GAB1: variants seen among roughly 807,000 people sequenced by gnomAD.
GAB1 encodes GRB2 associated binding protein 1.
A neutral mutation model predicts 66.5 loss-of-function variants in GAB1; 19 were observed. The observed-to-expected ratio is 0.29, with a 90% CI of 0.20 to 0.42. The LOEUF is 0.42. GAB1 is among the 10% of genes least tolerant of loss of function. The probability of loss-of-function intolerance (pLI) is 1.00; values close to 1 mark genes in which losing one functional copy is unlikely to be tolerated. For synonymous variants in GAB1, 294 were observed against 301.4 expected, an observed-to-expected ratio of 0.98 and a Z score of 0.25; for missense variants, 732 against 858.5, an observed-to-expected ratio of 0.85 and a Z score of 1.84.
At chr4:143,450,586 C>G (rs779080125) in intron 6 of GAB1, among the ~76,000 whole-genome samples, 14 of 152,022 alleles carry the variant, frequency 9.2e-5, no homozygotes, top group Non-Finnish European at 1.9e-4. Context: ...TTCCCTTTTT[C>G]CATTTAAATG....
intron 1 of GAB1, among the ~76,000 whole-genome samples, chr4:143,400,645 A>C (rs1731719808): frequency 6.6e-6 from 1 of 152,186 alleles, no homozygotes. Flanking sequence ...ACTTCAGCCA[A>C]CCTGGGGTTA....
chr4:143,423,807 T>C (rs1444040519), intron 2 of GAB1, among the ~76,000 whole-genome samples: 5 of 61,512 alleles, frequency 8.1e-5, no homozygotes, highest in African/African-American at 4.4e-4. Context: ...TATATATATA[T>C]ATATATATAT....
In GAB1 at chr4:143,473,877, G is replaced by A. The variant is rs1252886445; in HGVS notation, c.*4688G>A. 6.6e-6 allele frequency: 1 copy of A among 152,170 alleles called. No homozygotes were observed. Among genetic ancestry groups the A allele is most frequent in the African/African-American group, 2.4e-5 (1 of 41,440 alleles). The allele number at this position is 152,170 out of a possible 1,614,324, so 9.4% of individuals were successfully genotyped here. On this transcript the variant is annotated 3_prime_UTR_variant, in exon 10 of 10. Transcript: ENST00000262994. ...TATTTGGGAAGTTTGGGTAGGGTGAGGCTATCTTCTTCAAGATTATTTTCT... is the reference window on the plus strand; with the variant it reads ...TATTTGGGAAGTTTGGGTAGGGTGAAGCTATCTTCTTCAAGATTATTTTCT...
At chr4:143,378,433 C>A (rs1170248147) in intron 1 of GAB1, among the ~76,000 whole-genome samples, 4 of 152,136 alleles carry the variant, frequency 2.6e-5, no homozygotes, top group Non-Finnish European at 4.4e-5. Flanking sequence ...TGTTCTGGTT[C>A]TTTTCTTAAT....
At chr4:143,461,519 C>T (rs889118456) in intron 8 of GAB1, among the ~76,000 whole-genome samples, 1 of 152,166 alleles carries the variant, frequency 6.6e-6, no homozygotes, top group African/African-American at 2.4e-5. Context: ...AAGGGTACAG[C>T]CCAACTGCCT....
intron 8 of GAB1, among the ~76,000 whole-genome samples, chr4:143,464,680 T>C (rs1735687321): frequency 6.6e-6 from 1 of 152,256 alleles, no homozygotes; most frequent in African/African-American, 2.4e-5. Flanking sequence ...ATTCAGGCTA[T>C]GTGCTGCTCA....
At chr4:143,439,722 G>T in intron 4 of GAB1, 80 bp from the exon 5 acceptor site, 2 of 929,782 alleles carry the variant, frequency 2.2e-6, no homozygotes, top group East Asian at 2.4e-5. Flanking sequence ...TATAATGAGA[G>T]AAAGATAATA....
chr4:143,367,006 C>T (rs1361044101), intron 1 of GAB1, among the ~76,000 whole-genome samples: 2 of 152,038 alleles, frequency 1.3e-5, no homozygotes, highest in African/African-American at 2.4e-5. Flanking sequence ...ACAGTGTTTA[C>T]TGTATTCTCA....
intron 1 of GAB1, among the ~76,000 whole-genome samples, chr4:143,365,439 T>C (rs1326796896): frequency 6.6e-6 from 1 of 152,210 alleles, no homozygotes; most frequent in Non-Finnish European, 1.5e-5. Flanking sequence ...CAATGTCTAG[T>C]ACAAGACTTG....
Position 143,437,870 on chromosome 4 carries a change from C to G in GAB1, c.594-129C>G, listed in dbSNP as rs1734013746. On this transcript the variant is annotated intron_variant, in intron 3 of 9. Coordinates refer to ENST00000262994, the MANE Select transcript of GAB1 (RefSeq NM_002039.4). Reference sequence around the variant, plus strand: ...GCTAAAGAACATTTGTGCTTTAAATCCTATGGATCACACAAAAAATCTAAT... The same window carrying G: ...GCTAAAGAACATTTGTGCTTTAAATGCTATGGATCACACAAAAAATCTAAT... The G allele has an allele frequency of 1.1e-5, 10 of 901,142 alleles. No homozygotes were observed. In the East Asian group the frequency reaches 2.6e-4, roughly 23 times the overall value. 55.8% of individuals were successfully genotyped at this position (901,142 alleles called of 1,614,324 possible). A position where few individuals can be genotyped will look rare whatever the true frequency, so the allele number is the denominator to read the frequency against.
chr4:143,446,404 C>T (rs912169706), intron 6 of GAB1, among the ~76,000 whole-genome samples: 1 of 151,954 alleles, frequency 6.6e-6, no homozygotes, highest in African/African-American at 2.4e-5. Context: ...GTTTACAGTC[C>T]CACCAACAGT....
intron 2 of GAB1, among the ~76,000 whole-genome samples, chr4:143,429,189 G>A (rs113014680): frequency 0.027 from 4,144 of 152,108 alleles, 109 homozygotes; most frequent in South Asian, 0.11. Context: ...TACAACCTCC[G>A]CCTCCTGGAT....
chr4:143,339,157 C>T (rs558595917), intron 1 of GAB1, among the ~76,000 whole-genome samples: 11 of 152,338 alleles, frequency 7.2e-5, no homozygotes, highest in African/African-American at 2.6e-4. Context: ...CCCAGATCTG[C>T]CTGATTGATT....
chr4:143,444,999 G>T (rs1187763480), intron 6 of GAB1, among the ~76,000 whole-genome samples: 2 of 152,162 alleles, frequency 1.3e-5, no homozygotes, highest in African/African-American at 2.4e-5. Flanking sequence ...CTGTTGATGG[G>T]CACCTAGGTT....
intron 1 of GAB1, among the ~76,000 whole-genome samples, chr4:143,370,126 A>T (rs796775845): frequency 3.9e-5 from 6 of 152,330 alleles, no homozygotes; most frequent in African/African-American, 1.4e-4. Flanking sequence ...CATTTCATAA[A>T]AAGACAGTAA....
At chr4:143,377,702 C>A (rs1439108739) in intron 1 of GAB1, among the ~76,000 whole-genome samples, 1 of 152,172 alleles carries the variant, frequency 6.6e-6, no homozygotes, top group East Asian at 1.9e-4. Flanking sequence ...GACTTTCCCA[C>A]TTCTTTATGT....
chr4:143,455,016 C>T (rs1229246775), intron 6 of GAB1, among the ~76,000 whole-genome samples: 2 of 151,948 alleles, frequency 1.3e-5, no homozygotes, highest in Non-Finnish European at 2.9e-5. Context: ...TTTCATAGGC[C>T]GTGATCATTC....
rs1258053183 is a variant in GAB1 at position 143,473,700 on chromosome 4, A to G, written c.*4511A>G. The G allele has an allele frequency of 6.6e-6, 1 of 152,144 alleles. No homozygotes were observed. The highest frequency in any genetic ancestry group is 1.9e-4 in the East Asian group (1 of 5,196). The allele number at this position is 152,144 out of a possible 1,614,324, so 9.4% of individuals were successfully genotyped here. ...TATGTAAAATGTGACTTGGGAAATG[A>G]TTCTGTTTATTAACTGGCTGGGATT... On this transcript the variant is annotated 3_prime_UTR_variant, in exon 10 of 10. Coordinates refer to ENST00000262994, the MANE Select transcript of GAB1 (RefSeq NM_002039.4).
rs772511927 is a variant in GAB1 at position 143,459,394 on chromosome 4, C to A, written c.1595C>A (p.Ala532Glu). Residue 532 changes from alanine to glutamate, a missense_variant, in exon 7 of 10, where the codon GCG becomes GAG. Ala to Glu is a moderately radical substitution (Grantham distance 107, BLOSUM62 -1). Transcript: ENST00000262994. ...CTCTTTTTCTTTTCAGTCAAGCCAG[C>A]GCCTTTAGAAATAAAACCTTTGCCA... ...NLKPDRKVKP[A>E]PLEIKPLPEW... 1.3e-6 allele frequency: 2 copies of A among 1,599,646 alleles called. No homozygotes were observed. The highest frequency in any genetic ancestry group is 1.7e-6 in the Non-Finnish European group (2 of 1,167,106).
Sources: gnomAD v4.1 joint callset for allele counts (sites outside exome capture counted in the v4.1 genomes callset) on GRCh38, gnomAD v4.1.1 for gene constraint, MANE v1.5 for transcripts, NCBI Gene and HGNC (gene_info 2026-07-23, HGNC 2026-07-21) for gene names.